Variants in EPSTI1 observed in about 807,000 individuals in gnomAD.
EPSTI1 encodes epithelial stromal interaction 1.
EPSTI1 carries 66 observed loss-of-function variants against 49.9 expected under a neutral mutation model. That is an observed-to-expected ratio of 1.32 (90% confidence interval 1.08 to 1.62). EPSTI1 has a LOEUF of 1.62. Ranked by LOEUF, EPSTI1 falls within the 40% of genes most tolerant of loss-of-function variation. The pLI, the probability that EPSTI1 is intolerant of heterozygous loss-of-function variation, is 0.00. For missense variants in EPSTI1, 394 were observed against 365.5 expected (o/e 1.08, Z -0.64); for synonymous variants, 137 against 130.7 (o/e 1.05, Z -0.33).
chr13:42,953,951 T>A lies in EPSTI1; in HGVS notation c.560A>T (p.Gln187Leu), dbSNP rs745912824. 1 of 1,612,044 alleles carries A rather than the reference T, an allele frequency of 6.2e-7. No individual in the cohort carries two copies. Among genetic ancestry groups the A allele is most frequent in the Non-Finnish European group, 8.5e-7 (1 of 1,179,498 alleles). ...AGTTCTGAAAACATTAACTTACTAT[T>A]GCTGATGCTCTCTAAATGCTTCTCT... is the stretch of plus-strand genomic sequence containing the variant. ...LRREAFREHQ[Q>L]YKTAEFLSKL... Residue 187 changes from glutamine (Q) to leucine (L), a missense_variant, in exon 6 of 11, where the codon CAA becomes CTA. By Grantham distance (113) the Gln-to-Leu change is moderately radical. Coordinates refer to ENST00000313624, the MANE Select transcript of EPSTI1 (RefSeq NM_033255.5).
At chr13:42,904,680 A>C (rs564328782) in intron 8 of EPSTI1, among the ~76,000 whole-genome samples, 1 of 152,364 alleles carries the variant, frequency 6.6e-6, no homozygotes, top group East Asian at 1.9e-4. Flanking sequence ...ATACAATGGA[A>C]CAGTTACAAA....
chr13:42,954,096 G>A, intron 5 of EPSTI1, 75 bp from the exon 6 acceptor site: 1 of 1,313,622 alleles, frequency 7.6e-7, no homozygotes, highest in Non-Finnish European at 1.1e-6. Flanking sequence ...GTTACCCAAG[G>A]TCCAAAATCC....
intron 10 of EPSTI1, among the ~76,000 whole-genome samples, chr13:42,893,626 A>G (rs2037102674): frequency 6.6e-6 from 1 of 152,224 alleles, no homozygotes; most frequent in Non-Finnish European, 1.5e-5. Context: ...TTGGTGAGCC[A>G]GATTGCCACA....
At chr13:42,895,324 G>T (rs934186179) in intron 9 of EPSTI1, among the ~76,000 whole-genome samples, 3 of 152,216 alleles carry the variant, frequency 2.0e-5, no homozygotes, top group Admixed American at 6.5e-5. Flanking sequence ...AGCCAAAGGG[G>T]ATACGAATTC....
chr13:42,893,265 C>T (rs9533295), intron 10 of EPSTI1, among the ~76,000 whole-genome samples: 24,706 of 152,014 alleles, frequency 0.16, 2,095 homozygotes, highest in African/African-American at 0.19. Context: ...GTGTTCTAGT[C>T]GAGATGGAAC....
intron 6 of EPSTI1, among the ~76,000 whole-genome samples, chr13:42,941,340 T>G (rs1001713814): frequency 1.3e-5 from 2 of 152,254 alleles, no homozygotes; most frequent in Admixed American, 6.5e-5. Flanking sequence ...TTGATTACAA[T>G]GCCAATAACA....
intron 2 of EPSTI1, 78 bp downstream of exon 2, chr13:42,970,534 A>G (rs1417738412): frequency 7.5e-7 from 1 of 1,337,464 alleles, no homozygotes; most frequent in Non-Finnish European, 1.0e-6. Context: ...ATGAGAAAAT[A>G]AAAATACTTC....
intron 6 of EPSTI1, among the ~76,000 whole-genome samples, chr13:42,945,348 AG>A (rs1315503748): frequency 2.6e-5 from 4 of 152,192 alleles, no homozygotes; most frequent in African/African-American, 9.7e-5. Flanking sequence ...ACCTCCGGCC[AG>A]GTCCCTCCCA....
chr13:42,991,875 G>A, intron 1 of EPSTI1, 103 bp downstream of exon 1: 5 of 1,277,934 alleles, frequency 3.9e-6, no homozygotes, highest in Non-Finnish European at 5.6e-6. Context: ...AATCCCTGTT[G>A]TTGGGCCCCT....
rs2036902386 is a variant in EPSTI1, at chr13:42,887,685, C to G, written c.*809G>C. 1 of 152,160 alleles carries G rather than the reference C, an allele frequency of 6.6e-6. No individual in the cohort carries two copies. Among genetic ancestry groups the G allele is most frequent in the African/African-American group, 2.4e-5 (1 of 41,408 alleles). The allele number at this position is 152,160 out of a possible 1,614,324, so 9.4% of individuals were successfully genotyped here. On this transcript the variant is annotated 3_prime_UTR_variant, in exon 11 of 11. Transcript: ENST00000313624. ...TGAATAAGAAAGCCAACTGAACTAG[C>G]AATAGGAAATAGGTTACACAGAGCA...
At chr13:42,986,168 TG>T (rs896021190) in intron 1 of EPSTI1, among the ~76,000 whole-genome samples, 3 of 152,200 alleles carry the variant, frequency 2.0e-5, no homozygotes, top group African/African-American at 7.2e-5. Context: ...GGGTGGCAGC[TG>T]GGGCCGTCAG....
chr13:42,922,149 A>G lies in EPSTI1; in HGVS notation c.657+4187T>C, dbSNP rs924107504. 6.6e-6 allele frequency among the ~76,000 whole-genome samples: 1 copy of G among 152,242 alleles called. No homozygotes were observed. Among genetic ancestry groups the G allele is most frequent in the Non-Finnish European group, 1.5e-5 (1 of 68,046 alleles). On this transcript the variant is annotated intron_variant, in intron 7 of 10. Coordinates refer to ENST00000313624, the MANE Select transcript of EPSTI1 (RefSeq NM_033255.5). This position sits in a 1 kb window ranked among gnomAD's most constrained non-coding sequence, Gnocchi z 4.8. ...AAGAATGAGAGGAAGAAATGAGTTA[A>G]TAAGGTCTAAAATTGATTAGTCAAG...
At chr13:42,919,267 G>A (rs1269801055) in intron 7 of EPSTI1, 1 of 1,610,392 alleles carries the variant, frequency 6.2e-7, no homozygotes, top group Admixed American at 1.7e-5. Context: ...CTTATGAAAA[G>A]TTCAGTTACT....
chr13:42,892,676 TG>T, intron 10 of EPSTI1, among the ~76,000 whole-genome samples: 1 of 152,152 alleles, frequency 6.6e-6, no homozygotes. Context: ...GGAAGGGGTC[TG>T]GGCTGGAAAT....
At chr13:42,915,571 C>T (rs992801366) in intron 8 of EPSTI1, among the ~76,000 whole-genome samples, 5 of 152,052 alleles carry the variant, frequency 3.3e-5, no homozygotes, top group Non-Finnish European at 7.4e-5. Context: ...TTCCCAACAA[C>T]AACACGTCAG....
At chr13:42,889,488 G>GTC (rs1181676803) in intron 10 of EPSTI1, among the ~76,000 whole-genome samples, 5 of 152,098 alleles carry the variant, frequency 3.3e-5, no homozygotes, top group Non-Finnish European at 5.9e-5. Context: ...TGTTTACTCT[G>GTC]TCTCTGGCTT....
chr13:42,913,209 T>C (rs1312523402), intron 8 of EPSTI1, among the ~76,000 whole-genome samples: 1 of 151,690 alleles, frequency 6.6e-6, no homozygotes, highest in Non-Finnish European at 1.5e-5. Flanking sequence ...TACATGCAAA[T>C]ATGCTACTAA....
chr13:42,926,286 A>G (rs1163845575), intron 7 of EPSTI1, 50 bp downstream of exon 7: 3 of 1,046,036 alleles, frequency 2.9e-6, no homozygotes, highest in Non-Finnish European at 4.5e-6. Context: ...CAGTCACTAA[A>G]TACCTCTATA....
intron 6 of EPSTI1, among the ~76,000 whole-genome samples, chr13:42,940,365 C>T (rs1429428076): frequency 6.6e-6 from 1 of 152,132 alleles, no homozygotes; most frequent in African/African-American, 2.4e-5. Flanking sequence ...TTCCTAGTAC[C>T]ATTATGTTCT....
Sources: gnomAD v4.1 joint callset for allele counts (sites outside exome capture counted in the v4.1 genomes callset) on GRCh38, gnomAD v4.1.1 for gene constraint, Gnocchi (gnomAD v3.1) non-coding constraint, MANE v1.5 for transcripts, NCBI Gene and HGNC (gene_info 2026-07-23, HGNC 2026-07-21) for gene names.